Variants in MBNL1 observed in about 807,000 individuals in gnomAD.
The protein encoded by MBNL1 is muscleblind-like protein 1.
A neutral mutation model predicts 42.2 loss-of-function variants in MBNL1; 8 were observed. The ratio of observed to expected loss-of-function variants is 0.19; its 90% CI spans 0.11 to 0.34. MBNL1 has a LOEUF of 0.34. Among genes scored for constraint, MBNL1 ranks in the 10% least tolerant of loss-of-function variants. MBNL1 has a pLI of 1.00. For missense variants in MBNL1, 309 were observed against 495.3 expected, an observed-to-expected ratio of 0.62 and a Z score of 3.57; for synonymous variants, 169 against 173.9, an observed-to-expected ratio of 0.97 and a Z score of 0.22.
intron 2 of MBNL1, among the ~76,000 whole-genome samples, chr3:152,395,518 T>G (rs1335521227): frequency 6.6e-6 from 1 of 152,210 alleles, no homozygotes. Context: ...TGTTTTGTCT[T>G]GGATTTTTAG....
intron 2 of MBNL1, among the ~76,000 whole-genome samples, chr3:152,343,635 C>T (rs544051310): frequency 1.3e-5 from 2 of 152,096 alleles, no homozygotes; most frequent in East Asian, 3.9e-4. Context: ...CATAGGATGT[C>T]CTGGGGATGG....
intron 2 of MBNL1, among the ~76,000 whole-genome samples, chr3:152,249,559 T>G (rs904490594): frequency 1.2e-4 from 17 of 140,822 alleles, no homozygotes; most frequent in Admixed American, 8.0e-4. Context: ...TTTCTCCCAT[T>G]TTGTAGGTTG....
At chr3:152,303,823 A>T (rs970965582) in intron 2 of MBNL1, among the ~76,000 whole-genome samples, 18 of 152,180 alleles carry the variant, frequency 1.2e-4, no homozygotes, top group African/African-American at 4.3e-4. Flanking sequence ...GGTACTAGGG[A>T]TGGGAGAAAG....
Position 152,294,166 on chromosome 3 carries a change from A to G in MBNL1, c.-789-5239A>G, listed in dbSNP as rs534623073. Among the ~76,000 whole-genome samples, 4 of 151,904 alleles carry G rather than the reference A, an allele frequency of 2.6e-5. No individual in the cohort carries two copies. In the South Asian group the frequency reaches 8.3e-4, roughly 32 times the overall value. On this transcript the variant is annotated intron_variant, in intron 1 of 9. Coordinates refer to ENST00000324210, the MANE Select transcript of MBNL1 (RefSeq NM_021038.5). ...AAGAAATTGGTTCTTGTGGCAGAAT[A>G]TTAGTGTTGTAGATGATGTCAGATA...
intron 9 of MBNL1, 72 bp downstream of exon 9, chr3:152,459,417 C>A: frequency 1.3e-6 from 1 of 787,634 alleles, no homozygotes; most frequent in Middle Eastern, 3.2e-4. Flanking sequence ...GTATAGTGCA[C>A]TTAAAATTTT....
chr3:152,414,192 C>T (rs1023709739), intron 2 of MBNL1, among the ~76,000 whole-genome samples: 1 of 152,198 alleles, frequency 6.6e-6, no homozygotes, highest in African/African-American at 2.4e-5. Context: ...CACCGCCATT[C>T]CTGGCTTATA....
chr3:152,403,251 A>G (rs909000756), intron 2 of MBNL1, among the ~76,000 whole-genome samples: 11 of 152,160 alleles, frequency 7.2e-5, no homozygotes, highest in African/African-American at 2.2e-4. Context: ...GTGAGGCCCA[A>G]CATCTCCATA....
chr3:152,399,495 A>AG (rs2153536365), intron 2 of MBNL1, among the ~76,000 whole-genome samples: 1 of 152,208 alleles, frequency 6.6e-6, no homozygotes, highest in African/African-American at 2.4e-5. Flanking sequence ...GAAAAACAAA[A>AG]GGGACTTCTT....
chr3:152,287,577 A>G (rs1176178451), intron 1 of MBNL1, among the ~76,000 whole-genome samples: 1 of 152,192 alleles, frequency 6.6e-6, no homozygotes, highest in Non-Finnish European at 1.5e-5. Flanking sequence ...CAGTAGGTCT[A>G]GGGTAGGTCC....
chr3:152,291,416 A>G (rs1249177243), intron 1 of MBNL1, among the ~76,000 whole-genome samples: 1 of 152,196 alleles, frequency 6.6e-6, no homozygotes, highest in South Asian at 2.1e-4. Flanking sequence ...TTTTAACTTC[A>G]TCGCCTCATG....
intron 2 of MBNL1, among the ~76,000 whole-genome samples, chr3:152,252,130 A>ACCTTCCTTCCTT (rs1284365010): frequency 9.3e-5 from 10 of 107,702 alleles, no homozygotes; most frequent in Admixed American, 5.9e-4. Flanking sequence ...GAACAAACTA[A>ACCTTCCTTCCTT]CCTACCTTCC....
intron 2 of MBNL1, among the ~76,000 whole-genome samples, chr3:152,371,794 C>T (rs576633579): frequency 1.3e-4 from 20 of 152,198 alleles, no homozygotes; most frequent in African/African-American, 4.8e-4. Flanking sequence ...CTGCTCTTCT[C>T]GAGAAGTATC....
At chr3:152,395,349 T>C (rs2097885785) in intron 2 of MBNL1, among the ~76,000 whole-genome samples, 4 of 152,238 alleles carry the variant, frequency 2.6e-5, no homozygotes, top group Admixed American at 1.3e-4. Context: ...AAACTTTTTG[T>C]TTAAATAAAA....
intron 1 of MBNL1, among the ~76,000 whole-genome samples, chr3:152,283,736 A>G (rs1301187917): frequency 6.6e-6 from 1 of 152,140 alleles, no homozygotes; most frequent in Non-Finnish European, 1.5e-5. Flanking sequence ...TGCCAGCCCC[A>G]TTACATACAG....
At chr3:152,325,518 G>A (rs2152487755) in intron 2 of MBNL1, among the ~76,000 whole-genome samples, 1 of 152,072 alleles carries the variant, frequency 6.6e-6, no homozygotes, top group African/African-American at 2.4e-5. Context: ...TGACATGAAG[G>A]TAAACACAAA....
rs187997183 is a variant in MBNL1 at position 152,335,389 on chromosome 3, C to G, written c.174+35022C>G. 2.1e-4 allele frequency among the ~76,000 whole-genome samples: 32 copies of G among 152,270 alleles called. No individual in the cohort carries two copies. In the East Asian group the frequency reaches 5.4e-3, roughly 26 times the overall value. Reference sequence around the variant, plus strand: ...GAACCGTGGTTTTCACATTGGTGATCTGATCTGTGATTCTGTATATGTTCC... The same window carrying G: ...GAACCGTGGTTTTCACATTGGTGATGTGATCTGTGATTCTGTATATGTTCC... On this transcript the variant is annotated intron_variant, in intron 2 of 9. Coordinates refer to ENST00000324210, the MANE Select transcript of MBNL1 (RefSeq NM_021038.5).
chr3:152,315,386 A>G (rs545924254), intron 2 of MBNL1, among the ~76,000 whole-genome samples: 5 of 152,252 alleles, frequency 3.3e-5, no homozygotes, highest in Non-Finnish European at 5.9e-5. Flanking sequence ...GAAACTCCCT[A>G]TTACTGGATA....
intron 2 of MBNL1, among the ~76,000 whole-genome samples, chr3:152,303,766 G>C (rs2061708065): frequency 1.3e-5 from 2 of 151,900 alleles, no homozygotes. Context: ...AACAGAAATA[G>C]ACTTATTGTT....
chr3:152,345,336 A>C (rs1464701583), intron 2 of MBNL1, among the ~76,000 whole-genome samples: 1 of 152,076 alleles, frequency 6.6e-6, no homozygotes, highest in Non-Finnish European at 1.5e-5. Context: ...CTCCTTTAAA[A>C]GCGTAAGATG....
Sources: gnomAD v4.1 joint callset for allele counts (sites outside exome capture counted in the v4.1 genomes callset) on GRCh38, gnomAD v4.1.1 for gene constraint, MANE v1.5 for transcripts, NCBI Gene and HGNC (gene_info 2026-07-23, HGNC 2026-07-21) for gene names.